The following DYM variants were observed in gnomAD, a reference collection of about 807,000 sequenced individuals.
DYM encodes the protein dyggve-Melchior-Clausen syndrome protein.
Under a neutral mutation model 93.1 loss-of-function variants are expected in DYM, and 78 were observed. The ratio of observed to expected loss-of-function variants is 0.84; its 90% CI spans 0.70 to 1.01. DYM has a LOEUF of 1.01. Among genes scored for constraint, DYM ranks in the 50% least tolerant of loss-of-function variants. DYM has a pLI of 0.00. For missense variants in DYM, 789 were observed against 845.0 expected, an observed-to-expected ratio of 0.93 and a Z score of 0.82; for synonymous variants, 321 against 319.7, an observed-to-expected ratio of 1.00 and a Z score of -0.04.
intron 2 of DYM, among the ~76,000 whole-genome samples, chr18:49,425,270 C>T (rs1403279816): frequency 1.3e-5 from 2 of 152,102 alleles, no homozygotes; most frequent in Admixed American, 1.3e-4. Flanking sequence ...CTTTGACAAA[C>T]CTGACAAAAA....
At chr18:49,082,167 C>G (rs899785326) in intron 17 of DYM, among the ~76,000 whole-genome samples, 2 of 152,254 alleles carry the variant, frequency 1.3e-5, no homozygotes, top group African/African-American at 4.8e-5. Context: ...CAAGAGTCTT[C>G]CATGTGAGGT....
rs549751936 is a variant in DYM at position 49,051,189 on chromosome 18, A to C, written c.2026-6985T>G. 1.4e-4 allele frequency among the ~76,000 whole-genome samples: 21 copies of C among 152,294 alleles called. No individual in the cohort carries two copies. The South Asian group carries it at 2.7e-3, about 20-fold the overall frequency. On this transcript the variant is annotated intron_variant, in intron 17 of 17. Coordinates refer to ENST00000675505, the MANE Select transcript of DYM (RefSeq NM_001353214.3). ...TAGGTTTTCATGTCTTTCAAGTAAT[A>C]ATAATGAGCTTCAGATGTTTCTTCA...
chr18:49,204,578 A>G (rs1293783933), intron 14 of DYM, among the ~76,000 whole-genome samples: 1 of 152,226 alleles, frequency 6.6e-6, no homozygotes, highest in African/African-American at 2.4e-5. Context: ...AGAACTTAAA[A>G]TTGGACGTGG....
chr18:49,209,976 A>G (rs1427745819), intron 13 of DYM, among the ~76,000 whole-genome samples: 1 of 152,208 alleles, frequency 6.6e-6, no homozygotes, highest in Non-Finnish European at 1.5e-5. Flanking sequence ...AACATCATAC[A>G]TCACTAGGAA....
At chr18:49,290,276 C>T (rs1187683742) in intron 8 of DYM, among the ~76,000 whole-genome samples, 1 of 150,570 alleles carries the variant, frequency 6.6e-6, no homozygotes, top group Non-Finnish European at 1.5e-5. Context: ...AAGGAAATAC[C>T]GTTAAGTGAA....
At chr18:49,390,465 T>G (rs1205062993) in intron 3 of DYM, among the ~76,000 whole-genome samples, 1 of 151,828 alleles carries the variant, frequency 6.6e-6, no homozygotes, top group Non-Finnish European at 1.5e-5. Context: ...AAACTGTTTT[T>G]AGCAAAATAG....
intron 8 of DYM, among the ~76,000 whole-genome samples, chr18:49,298,233 T>C (rs925738518): frequency 1.8e-4 from 28 of 152,322 alleles, no homozygotes; most frequent in Middle Eastern, 3.4e-3. Flanking sequence ...AGAAAAATGT[T>C]TTTTAAAACT....
At chr18:49,440,057 A>T (rs2081203700) in intron 1 of DYM, among the ~76,000 whole-genome samples, 1 of 125,178 alleles carries the variant, frequency 8.0e-6, no homozygotes, top group Non-Finnish European at 1.8e-5. Context: ...AATAAATAAA[A>T]CATGATATGC....
At chr18:49,253,000 G>A (rs149102792) in intron 13 of DYM, among the ~76,000 whole-genome samples, 634 of 152,226 alleles carry the variant, frequency 4.2e-3, no homozygotes, top group Non-Finnish European at 6.9e-3. Flanking sequence ...TCTGTAGAAG[G>A]CACATGGTCA....
chr18:49,452,623 C>T (rs1165982379), intron 1 of DYM, among the ~76,000 whole-genome samples: 1 of 152,088 alleles, frequency 6.6e-6, no homozygotes, highest in African/African-American at 2.4e-5. Flanking sequence ...CTCAGCTAGA[C>T]ATAAAGGTTC....
chr18:49,227,075 A>C (rs1160073659), intron 13 of DYM, among the ~76,000 whole-genome samples: 1 of 152,194 alleles, frequency 6.6e-6, no homozygotes, highest in African/African-American at 2.4e-5. Context: ...ATAAACACTA[A>C]GAATGTAATG....
At chr18:49,447,877 AAGAAC>A (rs1164261625) in intron 1 of DYM, among the ~76,000 whole-genome samples, 2 of 152,136 alleles carry the variant, frequency 1.3e-5, no homozygotes, top group East Asian at 3.9e-4. Context: ...GTGATTTTCT[AAGAAC>A]AGGGCTCCCT....
intron 17 of DYM, among the ~76,000 whole-genome samples, chr18:49,070,722 A>C (rs1406104597): frequency 2.0e-5 from 3 of 152,230 alleles, no homozygotes; most frequent in African/African-American, 4.8e-5. Flanking sequence ...TGCAGGCAGG[A>C]GTTGCTCAAT....
At chr18:49,097,998 T>C (rs1178733227) in intron 16 of DYM, among the ~76,000 whole-genome samples, 1 of 152,000 alleles carries the variant, frequency 6.6e-6, no homozygotes, top group Admixed American at 6.6e-5. Flanking sequence ...ACATTTCCCT[T>C]ATCATGATCA....
intron 17 of DYM, among the ~76,000 whole-genome samples, chr18:49,053,264 A>T (rs976880291): frequency 6.6e-5 from 10 of 152,202 alleles, no homozygotes; most frequent in Admixed American, 6.5e-4. Context: ...GCTGTCAGTC[A>T]TGTGATCTGG....
intron 8 of DYM, among the ~76,000 whole-genome samples, chr18:49,313,857 G>C (rs1000951502): frequency 3.3e-5 from 5 of 152,136 alleles, no homozygotes; most frequent in African/African-American, 1.2e-4. Context: ...CTTTGGGTAA[G>C]TGGTGGGGTC....
At chr18:49,421,494 G>T (rs1380406491) in intron 2 of DYM, among the ~76,000 whole-genome samples, 1 of 152,188 alleles carries the variant, frequency 6.6e-6, no homozygotes, top group Non-Finnish European at 1.5e-5. Context: ...AACCCCATCT[G>T]TACGTCACTA....
Position 49,333,862 on chromosome 18 carries a change from G to A in DYM, c.495-9C>T. ...TTTCATATGTAATATCTCTAAAATG[G>A]AAGAAAAACAGAGTAACAGTCACTT... On this transcript the variant is annotated splice_polypyrimidine_tract_variant and intron_variant, in intron 6 of 17. Transcript: ENST00000675505. 2 of 1,604,774 alleles carry A rather than the reference G, an allele frequency of 1.2e-6. No homozygotes were observed. The highest frequency in any genetic ancestry group is 1.1e-5 in the South Asian group (1 of 90,700).
At chr18:49,435,898 A>G (rs1037050146) in intron 1 of DYM, among the ~76,000 whole-genome samples, 9 of 152,214 alleles carry the variant, frequency 5.9e-5, no homozygotes, top group South Asian at 2.1e-4. Context: ...TTGTTTTTAC[A>G]TATTGTTACT....
Sources: allele counts gnomAD v4.1 joint callset (sites outside exome capture counted in the v4.1 genomes callset), GRCh38; gene constraint gnomAD v4.1.1; transcripts MANE v1.5; gene names NCBI Gene and HGNC (gene_info 2026-07-23, HGNC 2026-07-21).